ZNF609: variants seen among roughly 807,000 people sequenced by gnomAD.
The protein encoded by ZNF609 is zinc finger protein 609.
A neutral mutation model predicts 109.5 loss-of-function variants in ZNF609; 11 were observed. The ratio of observed to expected loss-of-function variants is 0.10; its 90% CI spans 0.06 to 0.17. The LOEUF is 0.17. Ranked by LOEUF, ZNF609 falls within the 10% of genes least tolerant of loss-of-function variation. The pLI is 1.00. For synonymous variants in ZNF609, 646 were observed against 662.0 expected (o/e 0.98, Z 0.37); for missense variants, 1,559 against 1,772.4 (o/e 0.88, Z 2.16).
chr15:64,524,467 G>A (rs944894757), intron 2 of ZNF609, among the ~76,000 whole-genome samples: 4 of 151,982 alleles, frequency 2.6e-5, no homozygotes, highest in Admixed American at 2.0e-4. Flanking sequence ...GGGAGGCTGA[G>A]GCAGGAGAAT....
intron 3 of ZNF609, among the ~76,000 whole-genome samples, chr15:64,657,911 G>A (rs1896514383): frequency 6.6e-6 from 1 of 151,992 alleles, no homozygotes. Flanking sequence ...TATGCCCAAA[G>A]TTTCCTGCTT....
At chr15:64,555,009 T>G (rs1284538514) in intron 2 of ZNF609, among the ~76,000 whole-genome samples, 1 of 150,904 alleles carries the variant, frequency 6.6e-6, no homozygotes, top group Non-Finnish European at 1.5e-5. Flanking sequence ...GGCAGGAGAA[T>G]CACTTGAACC....
At chr15:64,655,963 A>G (rs1304931515) in intron 3 of ZNF609, among the ~76,000 whole-genome samples, 2 of 152,252 alleles carry the variant, frequency 1.3e-5, no homozygotes, top group Non-Finnish European at 2.9e-5. Context: ...GCTGAAAACA[A>G]CAACTTTACC....
At chr15:64,517,389 A>G (rs1299010087) in intron 2 of ZNF609, among the ~76,000 whole-genome samples, 5 of 152,156 alleles carry the variant, frequency 3.3e-5, no homozygotes, top group Non-Finnish European at 7.3e-5. Flanking sequence ...ACAAAACAAA[A>G]CAAAATTCCC....
At chr15:64,668,952 CAA>C (rs538954402) in intron 3 of ZNF609, among the ~76,000 whole-genome samples, 1,639 of 34,662 alleles carry the variant, frequency 0.047, 3 homozygotes, top group South Asian at 0.12. Flanking sequence ...AACTCCGTCT[CAA>C]AAAAAAAAAA....
At chr15:64,620,849 G>T (rs1242376568) in intron 2 of ZNF609, among the ~76,000 whole-genome samples, 1 of 152,238 alleles carries the variant, frequency 6.6e-6, no homozygotes, top group African/African-American at 2.4e-5. Context: ...TAGTTTTCAA[G>T]GCCAGGAAGG....
chr15:64,493,010 G>A (rs567468418), intron 1 of ZNF609, among the ~76,000 whole-genome samples: 4 of 152,336 alleles, frequency 2.6e-5, no homozygotes, highest in Admixed American at 2.0e-4. Context: ...ACTGTCACAT[G>A]CTCAGGCCAA....
chr15:64,628,771 G>A (rs1164777609), intron 3 of ZNF609, among the ~76,000 whole-genome samples: 3 of 151,998 alleles, frequency 2.0e-5, no homozygotes, highest in Non-Finnish European at 2.9e-5. Context: ...GATTACAGGC[G>A]TGTGCCACCA....
chr15:64,560,186 C>T (rs751907115), intron 2 of ZNF609, among the ~76,000 whole-genome samples: 4 of 152,118 alleles, frequency 2.6e-5, no homozygotes, highest in Admixed American at 6.5e-5. Context: ...GCTGGGACTA[C>T]AGGTGCATGC....
chr15:64,520,079 C>T (rs1434426648), intron 2 of ZNF609, among the ~76,000 whole-genome samples: 1 of 152,192 alleles, frequency 6.6e-6, no homozygotes, highest in Non-Finnish European at 1.5e-5. Context: ...ACCACCTCCT[C>T]ATGGCAGTAT....
intron 4 of ZNF609, chr15:64,671,469 G>C (rs1181428590): frequency 3.3e-5 from 5 of 152,128 alleles, no homozygotes; most frequent in Non-Finnish European, 7.4e-5. Context: ...CCATGGGTGA[G>C]CAAACATTCA....
rs573032641 is a variant in ZNF609 at position 64,653,047 on chromosome 15, C to T, written c.974-17299C>T. On this transcript the variant is annotated intron_variant, in intron 3 of 9. Transcript: ENST00000326648. Reference sequence around the variant, plus strand: ...GTACAGAATGTGTACTGTGGCTCTTCCTAGACAGGGCATCCAGCTCTGTGC... The same window carrying T: ...GTACAGAATGTGTACTGTGGCTCTTTCTAGACAGGGCATCCAGCTCTGTGC... The T allele has an allele frequency of 2.6e-5, 4 of 152,312 alleles. No individual in the cohort carries two copies. The East Asian group carries it at 7.7e-4, about 29-fold the overall frequency. The allele number at this position is 152,312 out of a possible 1,614,324, so 9.4% of individuals were successfully genotyped here.
At chr15:64,510,443 G>A (rs6494478) in intron 2 of ZNF609, among the ~76,000 whole-genome samples, 5 of 151,780 alleles carry the variant, frequency 3.3e-5, no homozygotes, top group Non-Finnish European at 4.4e-5. Context: ...GGGCTCAAGT[G>A]ATTCCCCCTG....
intron 2 of ZNF609, among the ~76,000 whole-genome samples, chr15:64,606,599 C>A (rs1031156537): frequency 1.3e-5 from 2 of 149,042 alleles, no homozygotes; most frequent in Admixed American, 1.3e-4. Flanking sequence ...TTTATAGAAA[C>A]AGGATCTCAC....
chr15:64,611,642 T>C (rs917290295), intron 2 of ZNF609, among the ~76,000 whole-genome samples: 1 of 152,122 alleles, frequency 6.6e-6, no homozygotes, highest in African/African-American at 2.4e-5. Context: ...TGCAAGTCTG[T>C]AGTCTTCAAA....
At chr15:64,574,027 C>A (rs1423848184) in intron 2 of ZNF609, among the ~76,000 whole-genome samples, 3 of 152,076 alleles carry the variant, frequency 2.0e-5, no homozygotes, top group African/African-American at 7.2e-5. Context: ...CTGCTCTCAC[C>A]ACACCCCGCT....
chr15:64,464,893 T>C (rs1376918258), intron 1 of ZNF609, among the ~76,000 whole-genome samples: 1 of 152,256 alleles, frequency 6.6e-6, no homozygotes, highest in Non-Finnish European at 1.5e-5. Flanking sequence ...TACTTGGTCT[T>C]CCGTGGGTTA....
chr15:64,521,660 A>G (rs1893892790), intron 2 of ZNF609, among the ~76,000 whole-genome samples: 1 of 152,214 alleles, frequency 6.6e-6, no homozygotes, highest in East Asian at 1.9e-4. Flanking sequence ...TAAGCAGGGA[A>G]CCTTCAATTT....
At chr15:64,622,046 A>G (rs1290214067) in intron 2 of ZNF609, among the ~76,000 whole-genome samples, 1 of 152,036 alleles carries the variant, frequency 6.6e-6, no homozygotes, top group Non-Finnish European at 1.5e-5. Context: ...ATTTCTATCT[A>G]TGTGTACATA....
Sources: allele counts gnomAD v4.1 joint callset (sites outside exome capture counted in the v4.1 genomes callset), GRCh38; gene constraint gnomAD v4.1.1; transcripts MANE v1.5; gene names NCBI Gene and HGNC (gene_info 2026-07-23, HGNC 2026-07-21).